The following UNC79 variants were observed in gnomAD, a reference collection of about 807,000 sequenced individuals.
The protein encoded by UNC79 is unc-79 subunit of NALCN channel complex.
Under a neutral mutation model 283.1 loss-of-function variants are expected in UNC79, and 37 were observed. That is an observed-to-expected ratio of 0.13 (90% confidence interval 0.10 to 0.17). The LOEUF is 0.17. UNC79 is among the 10% of genes least tolerant of loss of function. The probability of loss-of-function intolerance (pLI) is 1.00; values close to 1 mark genes in which losing one functional copy is unlikely to be tolerated. For synonymous variants in UNC79, 1,107 were observed against 1,200.2 expected (o/e 0.92, Z 1.61); for missense variants, 2,272 against 3,211.1 (o/e 0.71, Z 7.07).
At chr14:93,501,002 C>G (rs773317329) in intron 7 of UNC79, among the ~76,000 whole-genome samples, 4 of 152,092 alleles carry the variant, frequency 2.6e-5, no homozygotes, top group South Asian at 2.1e-4. Context: ...GTTTGTTTTC[C>G]CAGTGATTTA....
At chr14:93,347,674 G>T (rs147942324) in intron 1 of UNC79, among the ~76,000 whole-genome samples, 1 of 152,154 alleles carries the variant, frequency 6.6e-6, no homozygotes, top group South Asian at 2.1e-4. Flanking sequence ...ACCCTTTACC[G>T]GCACCTGGCT....
At chr14:93,456,544 T>C (rs866863739) in intron 1 of UNC79, among the ~76,000 whole-genome samples, 1 of 152,158 alleles carries the variant, frequency 6.6e-6, no homozygotes, top group African/African-American at 2.4e-5. Flanking sequence ...CTGAATAGAA[T>C]AGGGCCAATG....
chr14:93,680,267 A>G (rs962570014), intron 41 of UNC79, among the ~76,000 whole-genome samples: 2 of 152,218 alleles, frequency 1.3e-5, no homozygotes, highest in Non-Finnish European at 2.9e-5. Flanking sequence ...TAGGTGAGAA[A>G]GTGATCTGCT....
intron 20 of UNC79, among the ~76,000 whole-genome samples, chr14:93,584,945 C>T (rs879755635): frequency 6.6e-6 from 1 of 152,086 alleles, no homozygotes; most frequent in Non-Finnish European, 1.5e-5. Flanking sequence ...GATCCACCTG[C>T]CTCAGCCTCC....
chr14:93,554,474 A>G (rs562266058), intron 14 of UNC79, among the ~76,000 whole-genome samples: 3 of 152,322 alleles, frequency 2.0e-5, no homozygotes, highest in Non-Finnish European at 4.4e-5. Flanking sequence ...GCTAATTTCA[A>G]TAACATTTGA....
chr14:93,438,607 A>G (rs2056180979), intron 1 of UNC79, among the ~76,000 whole-genome samples: 1 of 151,570 alleles, frequency 6.6e-6, no homozygotes, highest in Non-Finnish European at 1.5e-5. Context: ...CTCCCATTCA[A>G]CATTGTTCTT....
At chr14:93,589,943 C>G (rs1326749744) in intron 22 of UNC79, among the ~76,000 whole-genome samples, 1 of 152,128 alleles carries the variant, frequency 6.6e-6, no homozygotes, top group Non-Finnish European at 1.5e-5. Context: ...AGCCTTTAGT[C>G]CCAGCTACTG....
upstream of UNC79, among the ~76,000 whole-genome samples, chr14:93,427,687 AT>A (rs1017234007): frequency 7.9e-5 from 12 of 151,728 alleles, no homozygotes; most frequent in African/African-American, 2.7e-4. Context: ...TGTTTGCTAC[AT>A]TATAACAAGT....
chr14:93,442,650 T>C (rs2056339494), intron 1 of UNC79, among the ~76,000 whole-genome samples: 1 of 152,202 alleles, frequency 6.6e-6, no homozygotes, highest in African/African-American at 2.4e-5. Context: ...CCCAAATACA[T>C]ACATATTAAG....
chr14:93,479,546 C>T (rs1301928419), intron 4 of UNC79, among the ~76,000 whole-genome samples: 2 of 152,138 alleles, frequency 1.3e-5, no homozygotes, highest in Non-Finnish European at 2.9e-5. Flanking sequence ...GATCCACCCG[C>T]CTCAGCCTCC....
chr14:93,435,006 C>T (rs997209749), intron 1 of UNC79, among the ~76,000 whole-genome samples: 2 of 152,014 alleles, frequency 1.3e-5, no homozygotes, highest in Non-Finnish European at 2.9e-5. Context: ...TTGAACTTGC[C>T]CCTCTCCCAT....
intron 23 of UNC79, among the ~76,000 whole-genome samples, chr14:93,595,379 C>A (rs564720929): frequency 1.3e-5 from 2 of 152,040 alleles, no homozygotes; most frequent in Admixed American, 1.3e-4. Flanking sequence ...CATGAGCCAC[C>A]GTACCCGGCC....
chr14:93,434,209 G>A (rs537518641), intron 1 of UNC79, among the ~76,000 whole-genome samples: 8 of 150,210 alleles, frequency 5.3e-5, no homozygotes, highest in South Asian at 2.1e-4. Flanking sequence ...GCAAAACTCC[G>A]TCTCAAAAAG....
chr14:93,477,531 G>A (rs150825091), intron 3 of UNC79, 27 bp from the exon 4 acceptor site: 1 of 1,545,598 alleles, frequency 6.5e-7, no homozygotes, highest in Non-Finnish European at 8.7e-7. Flanking sequence ...AATATTCAGT[G>A]ACTGATTACT....
chr14:93,551,673 T>C (rs1184607706), intron 14 of UNC79, among the ~76,000 whole-genome samples: 1 of 152,230 alleles, frequency 6.6e-6, no homozygotes, highest in Non-Finnish European at 1.5e-5. Context: ...GGCTGTTTTC[T>C]TTGTATGACT....
In UNC79 at chr14:93,363,001, C is replaced by T. The variant is rs140857980; in HGVS notation, c.-351+29478C>T. Among the ~76,000 whole-genome samples, 1,144 of 151,912 alleles carry T rather than the reference C, an allele frequency of 7.5e-3. 4 individuals are homozygous for T. The highest frequency in any genetic ancestry group is 0.014 in the Middle Eastern group (4 of 294). On this transcript the variant is annotated intron_variant, in intron 1 of 49. Transcript: ENST00000256339. Reference sequence around the variant, plus strand: ...GCTCTAATATGATTATTTTCTTTTACTAGCTTTGGGGTTGGTTTCCTTTTG... The same window carrying T: ...GCTCTAATATGATTATTTTCTTTTATTAGCTTTGGGGTTGGTTTCCTTTTG...
rs78490074 is a variant in UNC79 at position 93,621,920 on chromosome 14, G to A, written c.4687G>A (p.Glu1563Lys). ...GAGGCCTGACAATAGTGAAATCCCC[G>A]AGAACCCAGCTATGGAAGGGTTTCC... The change falls in exon 30 of 49, where the codon GAG becomes AAG. Residue 1563 changes from glutamate to lysine, a missense_variant. Coordinates refer to ENST00000555664, the Ensembl canonical transcript of UNC79. This position sits in a 1 kb window ranked among gnomAD's most constrained non-coding sequence, Gnocchi z 4.8. The A allele has an allele frequency of 4.3e-3, 6,886 of 1,614,034 alleles. 30 individuals carry two copies. Among genetic ancestry groups the A allele is most frequent in the South Asian group, 6.8e-3 (620 of 91,058 alleles).
exon 18 of UNC79, chr14:93,578,029 G>A: frequency 6.2e-7 from 1 of 1,614,180 alleles, no homozygotes; most frequent in Non-Finnish European, 8.5e-7. Context: ...AATCTAAATT[G>A]TTTCATCCTC....
chr14:93,516,596 G>A (rs1438728811), intron 7 of UNC79, among the ~76,000 whole-genome samples: 1 of 151,914 alleles, frequency 6.6e-6, no homozygotes, highest in Non-Finnish European at 1.5e-5. Flanking sequence ...ACAGGCATGT[G>A]TGACTATGCC....
Sources: gnomAD v4.1 joint callset for allele counts (sites outside exome capture counted in the v4.1 genomes callset) on GRCh38, gnomAD v4.1.1 for gene constraint, Gnocchi (gnomAD v3.1) non-coding constraint, MANE v1.5 for transcripts, NCBI Gene and HGNC (gene_info 2026-07-23, HGNC 2026-07-21) for gene names.